The following MTUS2 variants were observed in gnomAD, a reference collection of about 807,000 sequenced individuals.
The protein encoded by MTUS2 is microtubule-associated tumor suppressor candidate 2.
A neutral mutation model predicts 114.1 loss-of-function variants in MTUS2; 40 were observed. The ratio of observed to expected loss-of-function variants is 0.35; its 90% CI spans 0.27 to 0.46. MTUS2 has a LOEUF of 0.46. MTUS2 is among the 20% of genes least tolerant of loss of function. MTUS2 has a pLI of 1.00. For missense variants in MTUS2, 1,679 were observed against 1,705.4 expected (o/e 0.98, Z 0.27); for synonymous variants, 688 against 672.0 (o/e 1.02, Z -0.37).
At chr13:28,907,722 A>C (rs1880130136) in intron 2 of MTUS2, among the ~76,000 whole-genome samples, 1 of 151,660 alleles carries the variant, frequency 6.6e-6, no homozygotes, top group African/African-American at 2.4e-5. Context: ...ATATATATGC[A>C]CCCAATACAG....
chr13:29,009,204 AT>A (rs1885732583), intron 2 of MTUS2, among the ~76,000 whole-genome samples: 1 of 151,996 alleles, frequency 6.6e-6, no homozygotes, highest in South Asian at 2.1e-4. Context: ...ATTACTTGGA[AT>A]TTAAAAATAT....
chr13:29,127,091 C>T (rs936603894), intron 5 of MTUS2, among the ~76,000 whole-genome samples: 8 of 152,184 alleles, frequency 5.3e-5, no homozygotes, highest in African/African-American at 1.4e-4. Context: ...GCTCCTGGCC[C>T]CAGCCATTGA....
At chr13:29,170,279 C>G (rs1893502169) in intron 5 of MTUS2, among the ~76,000 whole-genome samples, 1 of 152,186 alleles carries the variant, frequency 6.6e-6, no homozygotes, top group South Asian at 2.1e-4. Context: ...ATTACTGTTA[C>G]TATTCTTGTT....
chr13:29,298,653 A>G (rs1279504213), intron 6 of MTUS2, among the ~76,000 whole-genome samples: 2 of 152,214 alleles, frequency 1.3e-5, no homozygotes, highest in Non-Finnish European at 2.9e-5. Context: ...CAGTCTTAGG[A>G]AAAAACAAAG....
At chr13:29,119,452 A>G (rs1891220018) in intron 5 of MTUS2, among the ~76,000 whole-genome samples, 1 of 152,216 alleles carries the variant, frequency 6.6e-6, no homozygotes, top group African/African-American at 2.4e-5. Flanking sequence ...AAAAGTTTTC[A>G]TATATTCTTT....
chr13:29,167,208 A>G (rs2139102391), intron 5 of MTUS2, among the ~76,000 whole-genome samples: 1 of 152,230 alleles, frequency 6.6e-6, no homozygotes, highest in South Asian at 2.1e-4. Flanking sequence ...CCTTGTTTCT[A>G]CTAAAAAATA....
At chr13:29,179,708 G>C (rs73447227) in intron 5 of MTUS2, among the ~76,000 whole-genome samples, 3,686 of 152,234 alleles carry the variant, frequency 0.024, 150 homozygotes, top group African/African-American at 0.084. Flanking sequence ...AATACATTTG[G>C]TGTGCAACAT....
At chr13:29,285,469 A>T (rs1898441364) in intron 6 of MTUS2, among the ~76,000 whole-genome samples, 1 of 152,246 alleles carries the variant, frequency 6.6e-6, no homozygotes, top group South Asian at 2.1e-4. Flanking sequence ...AGGAATCACC[A>T]GACTTTACGA....
intron 5 of MTUS2, among the ~76,000 whole-genome samples, chr13:29,208,283 C>A (rs374658974): frequency 6.6e-6 from 1 of 151,928 alleles, no homozygotes; most frequent in Admixed American, 6.6e-5. Context: ...AGTATCTCTT[C>A]TTTTGTTTCT....
At chr13:29,455,663 C>T (rs1386788574) in intron 9 of MTUS2, among the ~76,000 whole-genome samples, 1 of 152,040 alleles carries the variant, frequency 6.6e-6, no homozygotes, top group Admixed American at 6.6e-5. Context: ...AGGCTATAAT[C>T]AAGGAAAAAA....
intron 2 of MTUS2, among the ~76,000 whole-genome samples, chr13:29,000,926 C>G (rs903837277): frequency 2.0e-5 from 3 of 152,208 alleles, no homozygotes; most frequent in Non-Finnish European, 4.4e-5. Flanking sequence ...AGCCAGAGCT[C>G]TGTTCCCAAA....
At chr13:29,307,061 G>T (rs2139627645) in intron 6 of MTUS2, 1 of 499,972 alleles carries the variant, frequency 2.0e-6, no homozygotes, top group Non-Finnish European at 3.9e-6. Flanking sequence ...ACTGAGTACA[G>T]TGTGGAGTCC....
chr13:28,911,910 C>G (rs997620602), intron 2 of MTUS2, among the ~76,000 whole-genome samples: 1 of 141,522 alleles, frequency 7.1e-6, no homozygotes, highest in African/African-American at 2.7e-5. Flanking sequence ...TAGACCTTTG[C>G]CAGATAGATA....
chr13:29,276,897 C>CAAATAAAT (rs541783538), intron 5 of MTUS2, among the ~76,000 whole-genome samples: 2 of 150,338 alleles, frequency 1.3e-5, no homozygotes, highest in African/African-American at 4.9e-5. Flanking sequence ...GACTCCGTCT[C>CAAATAAAT]AAATAAATAA....
At chr13:28,821,693 T>A (rs1335906004) in intron 1 of MTUS2, among the ~76,000 whole-genome samples, 1 of 152,272 alleles carries the variant, frequency 6.6e-6, no homozygotes, top group East Asian at 1.9e-4. Flanking sequence ...AAAGCTTTCC[T>A]GGTGATTCTA....
intron 1 of MTUS2, among the ~76,000 whole-genome samples, chr13:28,834,955 G>A (rs1593232594): frequency 1.3e-5 from 2 of 152,138 alleles, no homozygotes; most frequent in Admixed American, 6.5e-5. Context: ...AGTCATTAGG[G>A]AAATGCAAAT....
intron 4 of MTUS2, among the ~76,000 whole-genome samples, chr13:29,091,066 G>T (rs1889923840): frequency 6.6e-6 from 1 of 152,060 alleles, no homozygotes; most frequent in Admixed American, 6.6e-5. Flanking sequence ...GCAACTTTGT[G>T]CAGGGTTCCA....
chr13:29,359,079 C>G (rs993870842), intron 7 of MTUS2, among the ~76,000 whole-genome samples, 183 bp from the exon 8 acceptor site: 2 of 152,138 alleles, frequency 1.3e-5, no homozygotes, highest in Non-Finnish European at 2.9e-5. Context: ...ACTTAACAAC[C>G]ACATTAATGG....
chr13:28,837,737 C>T (rs1875191659), intron 1 of MTUS2, among the ~76,000 whole-genome samples: 1 of 152,066 alleles, frequency 6.6e-6, no homozygotes, highest in Non-Finnish European at 1.5e-5. Context: ...ATGACCATAC[C>T]CATTATAATA....
Sources: gnomAD v4.1 joint callset for allele counts (sites outside exome capture counted in the v4.1 genomes callset) on GRCh38, gnomAD v4.1.1 for gene constraint, MANE v1.5 for transcripts, NCBI Gene and HGNC (gene_info 2026-07-23, HGNC 2026-07-21) for gene names.